Variants in MAGI2 observed in about 807,000 individuals in gnomAD.
MAGI2 encodes membrane associated guanylate kinase, WW and PDZ domain containing 2, also known as membrane-associated guanylate kinase, WW and PDZ domain-containing protein 2.
MAGI2 carries 35 observed loss-of-function variants against 133.3 expected under a neutral mutation model. The ratio of observed to expected loss-of-function variants is 0.26; its 90% CI spans 0.20 to 0.35. The LOEUF (loss-of-function observed/expected upper bound fraction) is 0.35. Ranked by LOEUF, MAGI2 falls within the 10% of genes least tolerant of loss-of-function variation. The pLI is 1.00. For missense variants in MAGI2, 1,636 were observed against 1,863.4 expected, an observed-to-expected ratio of 0.88 and a Z score of 2.25; for synonymous variants, 729 against 710.6, an observed-to-expected ratio of 1.03 and a Z score of -0.41.
chr7:78,338,599 C>T (rs1354675195), intron 9 of MAGI2, among the ~76,000 whole-genome samples: 1 of 152,184 alleles, frequency 6.6e-6, no homozygotes, highest in African/African-American at 2.4e-5. Context: ...AAATATCTGG[C>T]ACATTCACTA....
intron 7 of MAGI2, among the ~76,000 whole-genome samples, chr7:78,347,870 G>T (rs1237767313): frequency 2.0e-5 from 3 of 152,198 alleles, no homozygotes; most frequent in African/African-American, 7.2e-5. Flanking sequence ...TGTGCATCAT[G>T]ACTGTGGTGC....
At chr7:78,738,205 C>T (rs1399705957) in intron 2 of MAGI2, among the ~76,000 whole-genome samples, 2 of 152,012 alleles carry the variant, frequency 1.3e-5, no homozygotes, top group African/African-American at 2.4e-5. Context: ...GCAATTTCCT[C>T]CATGTACCTG....
intron 3 of MAGI2, among the ~76,000 whole-genome samples, chr7:78,582,402 T>A (rs545515763): frequency 6.6e-6 from 1 of 152,278 alleles, no homozygotes; most frequent in African/African-American, 2.4e-5. Flanking sequence ...TTATGCAATA[T>A]AAAAGAAGGG....
intron 2 of MAGI2, among the ~76,000 whole-genome samples, chr7:78,969,471 T>C (rs1803604502): frequency 6.6e-6 from 1 of 152,076 alleles, no homozygotes; most frequent in Non-Finnish European, 1.5e-5. Flanking sequence ...TTAATGATCT[T>C]GGCGAGAGAC....
intron 1 of MAGI2, among the ~76,000 whole-genome samples, chr7:79,185,602 A>G (rs1440399970): frequency 6.6e-6 from 1 of 151,132 alleles, no homozygotes; most frequent in Non-Finnish European, 1.5e-5. Context: ...TGAATTAATC[A>G]ATGAATGCAT....
At chr7:79,186,191 A>AATATATATAT (rs60719172) in intron 1 of MAGI2, among the ~76,000 whole-genome samples, 308 of 111,506 alleles carry the variant, frequency 2.8e-3, no homozygotes, top group South Asian at 6.0e-3. Context: ...TGCCTGGGAA[A>AATATATATAT]ATATATATAT....
rs1297265397 is a variant in MAGI2, at chr7:78,017,779, G to A, written c.*1536C>T. On this transcript the variant is annotated 3_prime_UTR_variant, in exon 22 of 22. Transcript: ENST00000354212. ...CAATTACAAGGAGAGGGAATGATCAGCCCAGGGAGGCTATTACGTGTGACC... is the reference window on the plus strand; with the variant it reads ...CAATTACAAGGAGAGGGAATGATCAACCCAGGGAGGCTATTACGTGTGACC... The A allele has an allele frequency of 6.6e-6, 1 of 152,432 alleles. No individual in the cohort carries two copies. Among genetic ancestry groups the A allele is most frequent in the Admixed American group, 6.5e-5 (1 of 15,282 alleles). The allele number at this position is 152,432 out of a possible 1,614,324, so 9.4% of individuals were successfully genotyped here.
chr7:78,214,085 G>C (rs1290777742), intron 10 of MAGI2, among the ~76,000 whole-genome samples: 1 of 152,212 alleles, frequency 6.6e-6, no homozygotes, highest in African/African-American at 2.4e-5. Context: ...ACTTCTTGCA[G>C]CATCAGGTCT....
chr7:78,104,684 G>A (rs1026276187), intron 20 of MAGI2, among the ~76,000 whole-genome samples: 8 of 152,008 alleles, frequency 5.3e-5, no homozygotes, highest in African/African-American at 1.5e-4. Flanking sequence ...CCCAGTGGAA[G>A]CTCCTCTCTG....
At chr7:79,399,819 C>G (rs1250576804) in intron 1 of MAGI2, among the ~76,000 whole-genome samples, 2 of 152,098 alleles carry the variant, frequency 1.3e-5, no homozygotes, top group African/African-American at 4.8e-5. Context: ...TTAAAAAGAT[C>G]CTAGGTAAAG....
chr7:78,059,320 A>C (rs1012088436), intron 21 of MAGI2, among the ~76,000 whole-genome samples: 1 of 152,180 alleles, frequency 6.6e-6, no homozygotes, highest in Non-Finnish European at 1.5e-5. Context: ...CTTTCCAGAA[A>C]TGTTTGCCAC....
At position 78,017,115 on chromosome 7, in the gene MAGI2, T is replaced by C. The variant is rs1195925862; in HGVS notation, c.*2200A>G. 6.6e-6 allele frequency: 1 copy of C among 152,658 alleles called. No homozygotes were observed. The highest frequency in any genetic ancestry group is 1.5e-5 in the Non-Finnish European group (1 of 68,042). The allele number at this position is 152,658 out of a possible 1,614,324, so 9.5% of individuals were successfully genotyped here. On this transcript the variant is annotated 3_prime_UTR_variant, in exon 22 of 22. Coordinates refer to ENST00000354212, the MANE Select transcript of MAGI2 (RefSeq NM_012301.4). ...TTTTATTTGACAGTGTTTTAGAATA[T>C]CATACAGTAAACAAGATTTCTGTAA...
chr7:79,245,734 C>T (rs573357161), intron 1 of MAGI2, among the ~76,000 whole-genome samples: 74 of 152,302 alleles, frequency 4.9e-4, no homozygotes, highest in African/African-American at 1.7e-3. Context: ...GGACATGAGC[C>T]TGTCAGGCTT....
intron 5 of MAGI2, among the ~76,000 whole-genome samples, chr7:78,498,687 C>T (rs60666886): frequency 0.15 from 22,369 of 152,100 alleles, 1,720 homozygotes; most frequent in African/African-American, 0.18. Flanking sequence ...CCTGCGTTCA[C>T]CACACCGAAT....
intron 9 of MAGI2, among the ~76,000 whole-genome samples, chr7:78,327,774 C>G (rs1031542193): frequency 6.6e-6 from 1 of 152,114 alleles, no homozygotes; most frequent in Admixed American, 6.6e-5. Flanking sequence ...TGATGCTGTG[C>G]AATAAGGGGC....
intron 1 of MAGI2, among the ~76,000 whole-genome samples, chr7:79,085,727 T>C (rs1816425960): frequency 6.6e-6 from 1 of 151,916 alleles, no homozygotes; most frequent in Non-Finnish European, 1.5e-5. Flanking sequence ...TTAAAGTCTT[T>C]ATGCTTTGTT....
intron 3 of MAGI2, among the ~76,000 whole-genome samples, chr7:78,525,776 C>T (rs959761573): frequency 6.6e-5 from 10 of 152,146 alleles, no homozygotes; most frequent in African/African-American, 2.4e-4. Flanking sequence ...TGTAAGATGA[C>T]CACAGTCACA....
At chr7:78,244,174 A>T (rs1236019142) in intron 10 of MAGI2, among the ~76,000 whole-genome samples, 13 of 115,866 alleles carry the variant, frequency 1.1e-4, no homozygotes, top group Non-Finnish European at 9.1e-5. Context: ...AATTAAAAAA[A>T]AAAAAAAAAA....
At chr7:79,124,028 T>C (rs958473509) in intron 1 of MAGI2, among the ~76,000 whole-genome samples, 4 of 152,154 alleles carry the variant, frequency 2.6e-5, no homozygotes, top group Admixed American at 6.5e-5. Flanking sequence ...GCAGTAGATA[T>C]GCTGCTCAAT....
Sources: gnomAD v4.1 joint callset for allele counts (sites outside exome capture counted in the v4.1 genomes callset) on GRCh38, gnomAD v4.1.1 for gene constraint, MANE v1.5 for transcripts, NCBI Gene and HGNC (gene_info 2026-07-23, HGNC 2026-07-21) for gene names.